The following THSD7B variants were observed in gnomAD, a reference collection of about 807,000 sequenced individuals.
THSD7B encodes the protein thrombospondin type-1 domain-containing protein 7B.
THSD7B carries 138 observed loss-of-function variants against 213.6 expected under a neutral mutation model. That is an observed-to-expected ratio of 0.65 (90% CI 0.56 to 0.74). The LOEUF is 0.74. Ranked by LOEUF, THSD7B falls within the 30% of genes least tolerant of loss-of-function variation. THSD7B has a pLI of 0.00. For synonymous variants in THSD7B, 742 were observed against 687.0 expected (o/e 1.08, Z -1.25); for missense variants, 1,931 against 1,991.5 (o/e 0.97, Z 0.58).
chr2:136,961,537 A>G (rs907041537), intron 2 of THSD7B, among the ~76,000 whole-genome samples: 3 of 152,054 alleles, frequency 2.0e-5, no homozygotes, highest in Non-Finnish European at 4.4e-5. Context: ...TTCAATATAA[A>G]TCGTAAACCT....
chr2:137,465,293 C>A (rs1013896945), intron 15 of THSD7B, among the ~76,000 whole-genome samples: 2 of 151,648 alleles, frequency 1.3e-5, no homozygotes, highest in African/African-American at 4.8e-5. Context: ...CTAAGACATT[C>A]CAGGACAATT....
chr2:137,507,499 G>T (rs1205364451), intron 15 of THSD7B, among the ~76,000 whole-genome samples: 2 of 152,132 alleles, frequency 1.3e-5, no homozygotes, highest in Non-Finnish European at 2.9e-5. Context: ...ACTTAGGCAG[G>T]CAGGTGGTTT....
intron 12 of THSD7B, among the ~76,000 whole-genome samples, chr2:137,378,350 C>T (rs1685705440): frequency 6.6e-6 from 1 of 152,166 alleles, no homozygotes; most frequent in South Asian, 2.1e-4. Flanking sequence ...ACTTCTTTTG[C>T]AGCTGACTTT....
chr2:137,477,149 C>G (rs1458389688), intron 15 of THSD7B, among the ~76,000 whole-genome samples: 2 of 152,198 alleles, frequency 1.3e-5, no homozygotes, highest in Non-Finnish European at 1.5e-5. Context: ...CAGTCTGTCT[C>G]TTCCTGTAGA....
chr2:137,492,724 C>A (rs1679446272), intron 15 of THSD7B, among the ~76,000 whole-genome samples: 1 of 152,124 alleles, frequency 6.6e-6, no homozygotes, highest in Admixed American at 6.6e-5. Flanking sequence ...TTATCTAAAG[C>A]ACCACACATA....
intron 17 of THSD7B, among the ~76,000 whole-genome samples, chr2:137,615,702 C>T (rs1275847044): frequency 1.3e-5 from 2 of 152,038 alleles, no homozygotes; most frequent in Non-Finnish European, 2.9e-5. Context: ...TTTTATAATT[C>T]CTTTTCTATA....
At chr2:137,142,862 A>G (rs573669212) in intron 5 of THSD7B, among the ~76,000 whole-genome samples, 1 of 152,066 alleles carries the variant, frequency 6.6e-6, no homozygotes, top group Admixed American at 6.6e-5. Context: ...TGGATATTTG[A>G]TTCTTAATGG....
chr2:137,098,236 C>A (rs1314976875), intron 4 of THSD7B, among the ~76,000 whole-genome samples: 1 of 152,108 alleles, frequency 6.6e-6, no homozygotes, highest in African/African-American at 2.4e-5. Flanking sequence ...TTTAAAAAAT[C>A]TTTTAGAATA....
At chr2:137,053,224 C>CT (rs1687099273) in intron 2 of THSD7B, among the ~76,000 whole-genome samples, 1 of 152,048 alleles carries the variant, frequency 6.6e-6, no homozygotes, top group Non-Finnish European at 1.5e-5. Flanking sequence ...ATTAATATAG[C>CT]TTAATATTCC....
intron 17 of THSD7B, among the ~76,000 whole-genome samples, chr2:137,614,347 T>A (rs1049794822): frequency 1.3e-5 from 2 of 152,162 alleles, no homozygotes; most frequent in Non-Finnish European, 2.9e-5. Context: ...AAGTGAATTG[T>A]TCAAGGTTAC....
intron 5 of THSD7B, among the ~76,000 whole-genome samples, chr2:137,157,925 A>T (rs1679941750): frequency 6.6e-6 from 1 of 152,160 alleles, no homozygotes; most frequent in Admixed American, 6.6e-5. Flanking sequence ...TTTTGGAACT[A>T]AAGTTTGAGT....
intron 7 of THSD7B, among the ~76,000 whole-genome samples, chr2:137,188,497 T>C (rs1433406419): frequency 6.6e-6 from 1 of 152,154 alleles, no homozygotes; most frequent in African/African-American, 2.4e-5. Context: ...AAAATAAAAG[T>C]GTACAAGACT....
At chr2:137,318,568 A>G (rs1174222617) in intron 12 of THSD7B, among the ~76,000 whole-genome samples, 4 of 152,128 alleles carry the variant, frequency 2.6e-5, no homozygotes, top group African/African-American at 9.7e-5. Flanking sequence ...ACAGAGGACA[A>G]AGGAGTACAA....
At chr2:136,874,731 T>G (rs986683986) in intron 1 of THSD7B, among the ~76,000 whole-genome samples, 3 of 152,158 alleles carry the variant, frequency 2.0e-5, no homozygotes, top group Non-Finnish European at 2.9e-5. Flanking sequence ...GAAACTGTGT[T>G]TTTTATTTCT....
At chr2:137,558,610 C>T (rs540806188) in intron 15 of THSD7B, among the ~76,000 whole-genome samples, 1 of 152,154 alleles carries the variant, frequency 6.6e-6, no homozygotes, top group East Asian at 1.9e-4. Context: ...CAATATCATA[C>T]TGAATAGGCA....
intron 10 of THSD7B, among the ~76,000 whole-genome samples, chr2:137,262,581 A>G (rs1247531651): frequency 6.6e-6 from 1 of 152,186 alleles, no homozygotes; most frequent in Non-Finnish European, 1.5e-5. Context: ...CACAATTCCA[A>G]TCATACCCTT....
At chr2:137,144,804 T>C (rs1679662134) in intron 5 of THSD7B, among the ~76,000 whole-genome samples, 1 of 151,972 alleles carries the variant, frequency 6.6e-6, no homozygotes, top group South Asian at 2.1e-4. Context: ...ATTGGAGGGA[T>C]TGGGATATGA....
chr2:137,120,023 A>T (rs10490740), intron 5 of THSD7B, among the ~76,000 whole-genome samples: 78,620 of 151,982 alleles, frequency 0.52, 21,704 homozygotes, highest in Non-Finnish European at 0.6. Context: ...TAGTACACTA[A>T]GAACTTCCCT....
chr2:137,548,750 C>T (rs2218709), intron 15 of THSD7B, among the ~76,000 whole-genome samples: 11,173 of 152,028 alleles, frequency 0.073, 450 homozygotes, highest in African/African-American at 0.089. Context: ...ATTAAGTTAA[C>T]CCTAACTAGG....
Sources: gnomAD v4.1 joint callset for allele counts (sites outside exome capture counted in the v4.1 genomes callset) on GRCh38, gnomAD v4.1.1 for gene constraint, MANE v1.5 for transcripts, NCBI Gene and HGNC (gene_info 2026-07-23, HGNC 2026-07-21) for gene names.